The following TACR3 variants were observed in gnomAD, a reference collection of about 807,000 sequenced individuals.
TACR3 encodes the protein neuromedin-K receptor.
Under a neutral mutation model 35.0 loss-of-function variants are expected in TACR3, and 34 were observed. That is an observed-to-expected ratio of 0.97 (90% CI 0.74 to 1.30). The LOEUF (loss-of-function observed/expected upper bound fraction) is 1.30, where lower values mean the gene tolerates loss of function less well. Ranked by LOEUF, TACR3 falls within the 50% of genes most tolerant of loss-of-function variation. The probability of loss-of-function intolerance (pLI) is 0.00; values close to 1 mark genes in which losing one functional copy is unlikely to be tolerated. For synonymous variants in TACR3, 233 were observed against 221.1 expected (o/e 1.05, Z -0.48); for missense variants, 558 against 591.7 (o/e 0.94, Z 0.59).
rs560226904 is a variant in TACR3, at chr4:103,675,517, T to C, written c.549-17114A>G. 1.1e-4 allele frequency among the ~76,000 whole-genome samples: 16 copies of C among 152,258 alleles called. No homozygotes were observed. In the Middle Eastern group the frequency reaches 0.014, roughly 130 times the overall value. On this transcript the variant is annotated intron_variant, in intron 1 of 4. Coordinates refer to ENST00000304883, the MANE Select transcript of TACR3 (RefSeq NM_001059.3). ...ACATTTACAAAGTTATCGGTAGACT[T>C]CAAGGAAATTGATGTAGAATGAATG...
intron 1 of TACR3, among the ~76,000 whole-genome samples, chr4:103,692,257 G>A (rs956662394): frequency 2.0e-5 from 3 of 152,012 alleles, no homozygotes; most frequent in African/African-American, 7.2e-5. Context: ...CTAATCAGAA[G>A]AAAAGATTTG....
intron 3 of TACR3, among the ~76,000 whole-genome samples, chr4:103,620,525 T>C (rs1022625224): frequency 2.6e-5 from 4 of 152,066 alleles, no homozygotes; most frequent in South Asian, 4.2e-4. Context: ...AGAGTACAAT[T>C]TAAAAAATGC....
chr4:103,595,796 A>T (rs1310923096), intron 3 of TACR3, among the ~76,000 whole-genome samples: 2 of 151,494 alleles, frequency 1.3e-5, no homozygotes, highest in Non-Finnish European at 2.9e-5. Flanking sequence ...CATGTGCACA[A>T]TGTGCAGGTT....
At chr4:103,713,716 G>A (rs1250896855) in intron 1 of TACR3, among the ~76,000 whole-genome samples, 1 of 152,074 alleles carries the variant, frequency 6.6e-6, no homozygotes, top group Non-Finnish European at 1.5e-5. Context: ...TCATGGTTCT[G>A]GATGAGATTG....
At chr4:103,700,750 A>C (rs766823653) in intron 1 of TACR3, among the ~76,000 whole-genome samples, 2 of 152,184 alleles carry the variant, frequency 1.3e-5, no homozygotes, top group African/African-American at 2.4e-5. Flanking sequence ...TTCAACATAC[A>C]CAAATCAATA....
rs545610579 is a variant in TACR3, at chr4:103,686,349, A to G, written c.549-27946T>C. On this transcript the variant is annotated intron_variant, in intron 1 of 4. Coordinates refer to ENST00000304883, the MANE Select transcript of TACR3 (RefSeq NM_001059.3). ...AGTTATTTAATCACAACCGCTGACCAGTTATTGGCTGATTGAACAACCACT... is the reference window on the plus strand; with the variant it reads ...AGTTATTTAATCACAACCGCTGACCGGTTATTGGCTGATTGAACAACCACT... 4.6e-5 allele frequency among the ~76,000 whole-genome samples: 7 copies of G among 152,318 alleles called. No homozygotes were observed. The South Asian group carries it at 1.4e-3, about 32-fold the overall frequency.
chr4:103,658,508 C>T, intron 1 of TACR3, 105 bp from the exon 2 acceptor site: 2 of 1,094,572 alleles, frequency 1.8e-6, no homozygotes, highest in Non-Finnish European at 2.7e-6. Context: ...ACAGTCATTG[C>T]TCTTTTGGGA....
At chr4:103,624,489 A>C (rs779693248) in intron 3 of TACR3, 1 of 152,222 alleles carries the variant, frequency 6.6e-6, no homozygotes, top group Non-Finnish European at 1.5e-5. Flanking sequence ...TGAGAGGCAT[A>C]CAAATGATTT....
At chr4:103,622,004 G>T (rs1724793046) in intron 3 of TACR3, among the ~76,000 whole-genome samples, 1 of 152,202 alleles carries the variant, frequency 6.6e-6, no homozygotes, top group African/African-American at 2.4e-5. Flanking sequence ...TTAAGTGGTT[G>T]TTAGAAGAAG....
At chr4:103,650,644 TAATATATATA>T (rs1427218941) in intron 3 of TACR3, among the ~76,000 whole-genome samples, 1 of 64,658 alleles carries the variant, frequency 1.5e-5, no homozygotes, top group African/African-American at 8.4e-5. Context: ...AATATATATT[TAATATATATA>T]AATATATATA....
intron 3 of TACR3, among the ~76,000 whole-genome samples, chr4:103,649,463 T>C (rs1725534152): frequency 6.6e-6 from 1 of 152,098 alleles, no homozygotes; most frequent in Non-Finnish European, 1.5e-5. Flanking sequence ...TTGATTTTTG[T>C]ATATATTACA....
chr4:103,640,748 A>ATT (rs201939645), intron 3 of TACR3, among the ~76,000 whole-genome samples: 10 of 151,142 alleles, frequency 6.6e-5, no homozygotes. Flanking sequence ...TTTTTTTACG[A>ATT]TTTTTTTTCT....
At chr4:103,708,166 C>T (rs538685902) in intron 1 of TACR3, among the ~76,000 whole-genome samples, 1 of 152,298 alleles carries the variant, frequency 6.6e-6, no homozygotes, top group African/African-American at 2.4e-5. Context: ...GTTCTCCCAG[C>T]AGGGAGTTTG....
At chr4:103,704,147 G>T (rs1357701204) in intron 1 of TACR3, among the ~76,000 whole-genome samples, 1 of 141,114 alleles carries the variant, frequency 7.1e-6, no homozygotes, top group Non-Finnish European at 1.5e-5. Context: ...AAGAAAGAAA[G>T]GAAATTGGTA....
intron 1 of TACR3, among the ~76,000 whole-genome samples, chr4:103,662,234 T>G (rs1010589169): frequency 2.6e-5 from 4 of 151,370 alleles, no homozygotes; most frequent in Admixed American, 6.6e-5. Flanking sequence ...TTTTTTTTTT[T>G]TTTGAGACTG....
intron 3 of TACR3, among the ~76,000 whole-genome samples, chr4:103,599,194 G>A (rs1277223078): frequency 6.6e-6 from 1 of 152,058 alleles, no homozygotes; most frequent in Non-Finnish European, 1.5e-5. Flanking sequence ...GGATTCCTAG[G>A]TATTTTATTT....
At chr4:103,680,494 T>C (rs2866655) in intron 1 of TACR3, among the ~76,000 whole-genome samples, 9,233 of 98,374 alleles carry the variant, frequency 0.094, 705 homozygotes, top group African/African-American at 0.32. Flanking sequence ...TATACATACA[T>C]ACACACACAC....
At position 103,597,902 on chromosome 4, in the gene TACR3, G is replaced by A. The variant is rs541672986; in HGVS notation, c.889-6219C>T. Among the ~76,000 whole-genome samples, 530 of 152,140 alleles carry A rather than the reference G, an allele frequency of 3.5e-3. 3 individuals are homozygous for A. The highest frequency in any genetic ancestry group is 0.012 in the African/African-American group (496 of 41,504). Reference sequence around the variant, plus strand: ...AGTCTTTGCTATTGTGAATAGTGCCGCTATAAACATACGTGTGCATGTGTC... The same window carrying A: ...AGTCTTTGCTATTGTGAATAGTGCCACTATAAACATACGTGTGCATGTGTC... On this transcript the variant is annotated intron_variant, in intron 3 of 4. Transcript: ENST00000304883.
intron 1 of TACR3, among the ~76,000 whole-genome samples, chr4:103,703,340 TTAA>T (rs1722706477): frequency 6.6e-6 from 1 of 152,170 alleles, no homozygotes; most frequent in African/African-American, 2.4e-5. Context: ...TCTCAGAACT[TTAA>T]TAATTATTTG....
Sources: gnomAD v4.1 joint callset for allele counts (sites outside exome capture counted in the v4.1 genomes callset) on GRCh38, gnomAD v4.1.1 for gene constraint, MANE v1.5 for transcripts, NCBI Gene and HGNC (gene_info 2026-07-23, HGNC 2026-07-21) for gene names.